The following MAPKAP1 variants were observed in gnomAD, a reference collection of about 807,000 sequenced individuals.
The protein encoded by MAPKAP1 is target of rapamycin complex 2 subunit MAPKAP1.
In MAPKAP1, 20 loss-of-function variants were observed where a neutral mutation model predicts 65.7. The observed-to-expected ratio is 0.30, with a 90% CI of 0.21 to 0.44. The LOEUF (loss-of-function observed/expected upper bound fraction) is 0.44. Ranked by LOEUF, MAPKAP1 falls within the 20% of genes least tolerant of loss-of-function variation. The pLI is 1.00. For missense variants in MAPKAP1, 423 were observed against 648.0 expected (o/e 0.65, Z 3.77); for synonymous variants, 222 against 244.3 (o/e 0.91, Z 0.85).
intron 4 of MAPKAP1, among the ~76,000 whole-genome samples, chr9:125,592,917 A>G (rs1439047252): frequency 1.3e-5 from 2 of 151,290 alleles, no homozygotes; most frequent in African/African-American, 2.4e-5. Context: ...AAAAAAAAAA[A>G]AAAAGGAACA....
At chr9:125,603,699 T>C (rs761737882) in intron 4 of MAPKAP1, among the ~76,000 whole-genome samples, 1 of 152,240 alleles carries the variant, frequency 6.6e-6, no homozygotes, top group Non-Finnish European at 1.5e-5. Flanking sequence ...AAAATAGATA[T>C]GGCTAATTTG....
intron 4 of MAPKAP1, among the ~76,000 whole-genome samples, chr9:125,597,264 CAAAAAAAAAAAAAAAAA>C (rs35917056): frequency 2.5e-4 from 13 of 52,658 alleles, no homozygotes; most frequent in Non-Finnish European, 3.0e-4. Context: ...GACTCCGTCT[CAAAAAAAAAAAAAAAAA>C]AAAAAAAAAA....
Position 125,560,055 on chromosome 9 carries a change from C to T in MAPKAP1, c.672-246G>A, listed in dbSNP as rs372830070. Among the ~76,000 whole-genome samples, 36 of 152,244 alleles carry T rather than the reference C, an allele frequency of 2.4e-4. No individual in the cohort carries two copies. In the East Asian group the frequency reaches 4.1e-3, roughly 17 times the overall value. On this transcript the variant is annotated intron_variant, in intron 5 of 11. Transcript: ENST00000265960. ...CTCTATTCTTGCAACATTCACTGAGCCCTATTGCAGCTACGACAAAGAACC... is the reference window on the plus strand; with the variant it reads ...CTCTATTCTTGCAACATTCACTGAGTCCTATTGCAGCTACGACAAAGAACC...
rs148464807 is a variant in MAPKAP1, at chr9:125,526,391, G to A, written c.958+16668C>T. Among the ~76,000 whole-genome samples, 7 of 152,302 alleles carry A rather than the reference G, an allele frequency of 4.6e-5. No individual in the cohort carries two copies. The South Asian group carries it at 1.5e-3, about 32-fold the overall frequency. Reference sequence around the variant, plus strand: ...AAAGCAGCTGTTTTCATTTATATTTGAGATATTAGTCATCCTTCCAATGGG... The same window carrying A: ...AAAGCAGCTGTTTTCATTTATATTTAAGATATTAGTCATCCTTCCAATGGG... On this transcript the variant is annotated intron_variant, in intron 7 of 11. Coordinates refer to ENST00000265960, the MANE Select transcript of MAPKAP1 (RefSeq NM_001006617.3).
At chr9:125,653,102 A>G (rs1419655047) in intron 4 of MAPKAP1, among the ~76,000 whole-genome samples, 1 of 152,194 alleles carries the variant, frequency 6.6e-6, no homozygotes. Flanking sequence ...CATCCTGCTC[A>G]TTTCATCCTC....
chr9:125,644,180 T>C (rs1034856188), intron 4 of MAPKAP1, among the ~76,000 whole-genome samples: 3 of 152,150 alleles, frequency 2.0e-5, no homozygotes, highest in Admixed American at 1.3e-4. Flanking sequence ...AAAATAGACA[T>C]TTTACTAATC....
chr9:125,663,008 G>C (rs926871152), intron 3 of MAPKAP1, among the ~76,000 whole-genome samples: 4 of 152,136 alleles, frequency 2.6e-5, no homozygotes, highest in Non-Finnish European at 5.9e-5. Context: ...TGAGTGAAGG[G>C]AGTTCATTAA....
chr9:125,634,312 T>A (rs766664934), intron 4 of MAPKAP1, among the ~76,000 whole-genome samples: 4 of 152,166 alleles, frequency 2.6e-5, no homozygotes, highest in Admixed American at 6.5e-5. Flanking sequence ...ATTTATTGCC[T>A]CCAGACAGAT....
At chr9:125,638,382 A>G (rs1382066455) in intron 4 of MAPKAP1, among the ~76,000 whole-genome samples, 1 of 152,190 alleles carries the variant, frequency 6.6e-6, no homozygotes, top group African/African-American at 2.4e-5. Context: ...TCACTGGCTG[A>G]CCTTAGGGAC....
intron 4 of MAPKAP1, among the ~76,000 whole-genome samples, chr9:125,598,067 A>G (rs886228255): frequency 6.6e-6 from 1 of 151,730 alleles, no homozygotes; most frequent in African/African-American, 2.4e-5. Context: ...GAGGGTCGAC[A>G]TGAGAAAAAA....
At chr9:125,480,800 G>A (rs887514193) in intron 9 of MAPKAP1, among the ~76,000 whole-genome samples, 2 of 151,126 alleles carry the variant, frequency 1.3e-5, no homozygotes, top group African/African-American at 2.4e-5. Flanking sequence ...GTGAAACCCC[G>A]TCTCTACTAA....
intron 6 of MAPKAP1, among the ~76,000 whole-genome samples, chr9:125,543,622 T>C (rs756650557): frequency 1.3e-5 from 2 of 152,108 alleles, no homozygotes; most frequent in Non-Finnish European, 2.9e-5. Context: ...GTGCCAATTA[T>C]TTAAAAATAG....
In MAPKAP1 at chr9:125,505,047, G is replaced by A. The variant is rs144751503; in HGVS notation, c.1066+1263C>T. ...AGATATTAAACAATCACTGAGAAAA[G>A]TATGTAATTCTAAATACAGGCTGGC... On this transcript the variant is annotated intron_variant, in intron 8 of 11. Coordinates refer to ENST00000265960, the MANE Select transcript of MAPKAP1 (RefSeq NM_001006617.3). Among the ~76,000 whole-genome samples the A allele has an allele frequency of 6.7e-3, 1,020 of 152,288 alleles. 12 individuals carry two copies. Among genetic ancestry groups the A allele is most frequent in the Non-Finnish European group, 6.9e-3 (472 of 68,022 alleles).
chr9:125,643,720 C>G (rs555010836), intron 4 of MAPKAP1, among the ~76,000 whole-genome samples: 6 of 152,100 alleles, frequency 3.9e-5, no homozygotes, highest in African/African-American at 7.2e-5. Flanking sequence ...TGATTAATTC[C>G]TAAGAATACA....
At chr9:125,482,907 A>G (rs1193019751) in intron 9 of MAPKAP1, among the ~76,000 whole-genome samples, 1 of 152,170 alleles carries the variant, frequency 6.6e-6, no homozygotes, top group Admixed American at 6.5e-5. Context: ...CCAGGTGCCT[A>G]AGTTCTCTGC....
At chr9:125,675,088 C>T (rs1484269759) in intron 1 of MAPKAP1, among the ~76,000 whole-genome samples, 1 of 152,098 alleles carries the variant, frequency 6.6e-6, no homozygotes, top group Non-Finnish European at 1.5e-5. Context: ...TTTGTGGAAG[C>T]ATAGTATCAC....
intron 7 of MAPKAP1, among the ~76,000 whole-genome samples, chr9:125,507,117 C>T (rs1197675821): frequency 6.6e-6 from 1 of 152,204 alleles, no homozygotes; most frequent in Non-Finnish European, 1.5e-5. Context: ...TTCAGTAGTA[C>T]TGGAAGCCAG....
intron 4 of MAPKAP1, chr9:125,650,554 C>T (rs1384642353): frequency 6.6e-6 from 1 of 152,200 alleles, no homozygotes; most frequent in East Asian, 1.9e-4. Flanking sequence ...GATTTTAACC[C>T]AAGCCTGACA....
intron 4 of MAPKAP1, among the ~76,000 whole-genome samples, chr9:125,615,308 C>A (rs1308377424): frequency 2.0e-5 from 3 of 151,878 alleles, no homozygotes; most frequent in African/African-American, 7.3e-5. Flanking sequence ...GGTAAAGATG[C>A]CAATTCTCCC....
Sources: gnomAD v4.1 joint callset for allele counts (sites outside exome capture counted in the v4.1 genomes callset) on GRCh38, gnomAD v4.1.1 for gene constraint, MANE v1.5 for transcripts, NCBI Gene and HGNC (gene_info 2026-07-23, HGNC 2026-07-21) for gene names.